The following ABCC1 variants were observed in gnomAD, a reference collection of about 807,000 sequenced individuals.
The protein encoded by ABCC1 is ATP binding cassette subfamily C member 1 (ABCC1 blood group).
ABCC1 carries 83 observed loss-of-function variants against 172.9 expected under a neutral mutation model. That is an observed-to-expected ratio of 0.48 (90% confidence interval 0.40 to 0.58). The LOEUF (loss-of-function observed/expected upper bound fraction) is 0.58. Ranked by LOEUF, ABCC1 falls within the 20% of genes least tolerant of loss-of-function variation. The probability of loss-of-function intolerance (pLI) is 0.00; values close to 1 mark genes in which losing one functional copy is unlikely to be tolerated. For synonymous variants in ABCC1, 937 were observed against 825.2 expected (o/e 1.14, Z -2.32); for missense variants, 1,817 against 2,002.7 (o/e 0.91, Z 1.77).
At chr16:16,006,915 ATGG>A (rs1265156503) in intron 1 of ABCC1, among the ~76,000 whole-genome samples, 132 of 76,006 alleles carry the variant, frequency 1.7e-3, no homozygotes, top group African/African-American at 4.3e-3. Context: ...GGTGATGATG[ATGG>A]TGGTGATGGT....
intron 5 of ABCC1, among the ~76,000 whole-genome samples, chr16:16,020,730 T>C (rs1382732601): frequency 6.6e-6 from 1 of 152,214 alleles, no homozygotes; most frequent in African/African-American, 2.4e-5. Context: ...TTTCTTCCTA[T>C]GCAAGGCAAG....
chr16:16,071,700 A>G lies in ABCC1; in HGVS notation c.1883A>G (p.Asp628Gly). ...CTCTCCCATGAGGAGCTGGAACCTG[A>G]CAGCATCGAGCGACGGCCTGTCAAA... is the stretch of plus-strand genomic sequence containing the variant. ...IFLSHEELEP[D>G]SIERRPVKDG... Residue 628 changes from aspartate to glycine, a missense_variant, in exon 14 of 31, where the codon GAC (aspartate) becomes GGC (glycine). Transcript: ENST00000399410. 6.2e-7 allele frequency: 1 copy of G among 1,614,004 alleles called. No individual in the cohort carries two copies. The highest frequency in any genetic ancestry group is 8.5e-7 in the Non-Finnish European group (1 of 1,179,980).
intron 19 of ABCC1, among the ~76,000 whole-genome samples, chr16:16,102,375 C>G (rs1015946375): frequency 1.9e-4 from 29 of 152,206 alleles, no homozygotes; most frequent in African/African-American, 6.8e-4. Flanking sequence ...GCCCAGTGCC[C>G]TCAGTGGATG....
At chr16:15,968,600 C>T (rs1236677859) in intron 1 of ABCC1, among the ~76,000 whole-genome samples, 1 of 152,030 alleles carries the variant, frequency 6.6e-6, no homozygotes, top group East Asian at 1.9e-4. Context: ...TGGTCTCAAA[C>T]TCATGACCTC....
At chr16:16,091,109 G>A (rs1045772770) in intron 19 of ABCC1, among the ~76,000 whole-genome samples, 4 of 152,034 alleles carry the variant, frequency 2.6e-5, no homozygotes, top group African/African-American at 9.7e-5. Flanking sequence ...ACCCATCTGA[G>A]CTTCACTTTC....
chr16:15,980,771 A>G (rs1473202629), intron 1 of ABCC1, among the ~76,000 whole-genome samples: 3 of 152,080 alleles, frequency 2.0e-5, no homozygotes, highest in African/African-American at 7.2e-5. Flanking sequence ...TCAAAACACA[A>G]TCATGCCTTT....
At chr16:16,076,150 A>C (rs1227782758) in intron 14 of ABCC1, 176 bp from the exon 15 acceptor site, 2 of 619,542 alleles carry the variant, frequency 3.2e-6, no homozygotes, top group Non-Finnish European at 5.6e-6. Flanking sequence ...TGCCTCCAGA[A>C]CTGCAGGTTG....
Position 16,048,178 on chromosome 16 carries a change from A to G in ABCC1, c.1255A>G (p.Thr419Ala), listed in dbSNP as rs1275608351. The change falls in exon 10 of 31, where the codon ACG (threonine) becomes GCG (alanine). Residue 419 changes from threonine to alanine, a missense_variant. Around this residue, in one of 3 missense-constraint regions of ABCC1, gnomAD observed 1,412 missense variants for 1,600.3 expected, o/e 0.88. Transcript: ENST00000399410. ...CACCAATTCAGCCAGAAAATCCTCC[A>G]CGGTCGGGGAGATTGTCAACCTCAT... ...VITNSARKSSTVGEIVNLMSV... is the reference protein window; with the variant it reads ...VITNSARKSSAVGEIVNLMSV... 6.2e-7 allele frequency: 1 copy of G among 1,613,988 alleles called. No homozygotes were observed. Among genetic ancestry groups the G allele is most frequent in the Non-Finnish European group, 8.5e-7 (1 of 1,179,980 alleles).
intron 3 of ABCC1, among the ~76,000 whole-genome samples, chr16:16,014,261 C>T (rs561219966): frequency 7.9e-5 from 12 of 152,284 alleles, no homozygotes; most frequent in African/African-American, 2.2e-4. Flanking sequence ...GCCTGGCCAA[C>T]GTGGTGAAAC....
chr16:16,005,821 C>T (rs899589564), intron 1 of ABCC1, among the ~76,000 whole-genome samples: 7 of 151,788 alleles, frequency 4.6e-5, no homozygotes, highest in South Asian at 2.1e-4. Flanking sequence ...ATTAGCCAAG[C>T]GGGGTGACCG....
At position 16,089,728 on chromosome 16, in the gene ABCC1, T is replaced by A. The variant is rs776860315; in HGVS notation, c.2461-677T>A. On this transcript the variant is annotated intron_variant, in intron 18 of 30. Transcript: ENST00000399410. ...CTACTAAAATACAACAACAAAAAAA[T>A]CAGCCAGGTGTGGTGGCGGGCGCAT... 2.9e-3 allele frequency among the ~76,000 whole-genome samples: 443 copies of A among 151,370 alleles called. 12 individuals are homozygous for A. Among genetic ancestry groups the A allele is most frequent in the Non-Finnish European group, 1.3e-3 (87 of 67,844 alleles).
chr16:16,012,402 A>G (rs1214966057), intron 3 of ABCC1, among the ~76,000 whole-genome samples: 1 of 151,810 alleles, frequency 6.6e-6, no homozygotes, highest in African/African-American at 2.4e-5. Context: ...AAATGCATGG[A>G]GGGAATGAGA....
chr16:16,108,611 T>C (rs76999184), intron 21 of ABCC1, among the ~76,000 whole-genome samples: 1 of 150,720 alleles, frequency 6.6e-6, no homozygotes, highest in Non-Finnish European at 1.5e-5. Flanking sequence ...TTTTTTTTTT[T>C]CTGAGACAAG....
intron 1 of ABCC1, among the ~76,000 whole-genome samples, chr16:16,002,685 T>C (rs2047357042): frequency 6.6e-6 from 1 of 151,768 alleles, no homozygotes; most frequent in African/African-American, 2.4e-5. Flanking sequence ...GGTGGGAGGA[T>C]TGCTGGAGCC....
chr16:16,108,336 G>A (rs1401756221), intron 21 of ABCC1, among the ~76,000 whole-genome samples: 1 of 140,102 alleles, frequency 7.1e-6, no homozygotes, highest in Non-Finnish European at 1.5e-5. Flanking sequence ...CTGTAGTGCC[G>A]TGGCGCTCAC....
chr16:16,046,206 G>A (rs1350136315), intron 9 of ABCC1, among the ~76,000 whole-genome samples, 193 bp downstream of exon 9: 2 of 152,196 alleles, frequency 1.3e-5, no homozygotes, highest in Non-Finnish European at 2.9e-5. Flanking sequence ...GATTTCAAGG[G>A]TGGGCGTGTA....
intron 26 of ABCC1, among the ~76,000 whole-genome samples, chr16:16,127,950 CT>C (rs1177655798): frequency 6.2e-5 from 7 of 112,830 alleles, no homozygotes; most frequent in African/African-American, 2.0e-4. Context: ...TGGAATTTGG[CT>C]TTTTTTTTGC....
rs553119771 is a variant in ABCC1 at position 16,019,364 on chromosome 16, A to T, written c.615+2743A>T. On this transcript the variant is annotated intron_variant, in intron 5 of 30. Transcript: ENST00000399410. Reference sequence around the variant, plus strand: ...AGTGATCCACCCGCCTCGGCCTCCCAAAATGTTGGGATTACAGGTGTGAGC... The same window carrying T: ...AGTGATCCACCCGCCTCGGCCTCCCTAAATGTTGGGATTACAGGTGTGAGC... Among the ~76,000 whole-genome samples the T allele has an allele frequency of 3.3e-5, 5 of 152,190 alleles. No individual in the cohort carries two copies. The South Asian group carries it at 1.0e-3, about 32-fold the overall frequency.
rs769820932 is a variant in ABCC1, at chr16:16,115,047, C to G, written c.3361C>G (p.Pro1121Ala). The change falls in exon 23 of 31, where the codon CCC (proline) becomes GCC (alanine). Residue 1121 changes from proline (P) to alanine (A), a missense_variant. Coordinates refer to ENST00000399410, the MANE Select transcript of ABCC1 (RefSeq NM_004996.4). ...GCCCATCGCCGCCATCATCATCCCGCCCCTTGGCCTCATCTACTTCTTCGT... is the reference window on the plus strand; with the variant it reads ...GCCCATCGCCGCCATCATCATCCCGGCCCTTGGCCTCATCTACTTCTTCGT... ...ATPIAAIIIP[P>A]LGLIYFFVQR... 3.1e-6 allele frequency: 5 copies of G among 1,613,962 alleles called. No homozygotes were observed. The South Asian group carries it at 5.5e-5, about 18-fold the overall frequency.
Sources: gnomAD v4.1 joint callset for allele counts (sites outside exome capture counted in the v4.1 genomes callset) on GRCh38, gnomAD v4.1.1 for gene constraint, gnomAD v4.1.1 regional missense constraint, MANE v1.5 for transcripts, NCBI Gene and HGNC (gene_info 2026-07-23, HGNC 2026-07-21) for gene names.